Variants in TMCO4 observed in about 807,000 individuals in gnomAD.
TMCO4 encodes the protein transmembrane and coiled-coil domain-containing protein 4.
Under a neutral mutation model 64.7 loss-of-function variants are expected in TMCO4, and 58 were observed. The ratio of observed to expected loss-of-function variants is 0.90; its 90% CI spans 0.73 to 1.12. The LOEUF (loss-of-function observed/expected upper bound fraction) is 1.12, where lower values mean the gene tolerates loss of function less well. TMCO4 is among the 50% of genes most tolerant of loss of function. The pLI is 0.00. For synonymous variants in TMCO4, 325 were observed against 346.1 expected, an observed-to-expected ratio of 0.94 and a Z score of 0.68; for missense variants, 780 against 825.9, an observed-to-expected ratio of 0.94 and a Z score of 0.68.
In TMCO4 at chr1:19,755,335, A is replaced by G. The variant is rs2042198946; in HGVS notation, c.515+299T>C. On this transcript the variant is annotated intron_variant, in intron 7 of 15. Transcript: ENST00000294543. The stretch of plus-strand genomic sequence containing the variant: ...GAGATGGGGTTTTATCATGTTGGTC[A>G]GGCTGGTCTCGAACTCCTGACCTCA... 2.6e-5 allele frequency among the ~76,000 whole-genome samples: 4 copies of G among 152,352 alleles called. No homozygotes were observed. The South Asian group carries it at 8.3e-4, about 32-fold the overall frequency.
At chr1:19,787,219 G>A (rs1312948071) in intron 2 of TMCO4, 102 bp from the exon 3 acceptor site, 1 of 152,338 alleles carries the variant, frequency 6.6e-6, no homozygotes, top group Admixed American at 6.5e-5. Flanking sequence ...AAGCTCAGGG[G>A]AGCCTGGCAC....
intron 15 of TMCO4, among the ~76,000 whole-genome samples, chr1:19,685,927 C>T (rs1302618986): frequency 6.6e-6 from 1 of 152,032 alleles, no homozygotes; most frequent in Non-Finnish European, 1.5e-5. Context: ...CAGGGTTTCA[C>T]TGTGTTAGCC....
chr1:19,683,635 T>C (rs781149493), intron 15 of TMCO4, among the ~76,000 whole-genome samples, 191 bp from the exon 16 acceptor site: 2 of 152,182 alleles, frequency 1.3e-5, no homozygotes, highest in South Asian at 2.1e-4. Context: ...TTCAAAGCTG[T>C]TCTAGAATTT....
At chr1:19,683,559 A>G in intron 15 of TMCO4, 115 bp from the exon 16 acceptor site, 1 of 1,199,594 alleles carries the variant, frequency 8.3e-7, no homozygotes, top group Non-Finnish European at 1.2e-6. Flanking sequence ...CAGCCAACGA[A>G]TCACCAAACC....
At chr1:19,712,408 C>G (rs1362723859) in intron 13 of TMCO4, among the ~76,000 whole-genome samples, 4 of 151,996 alleles carry the variant, frequency 2.6e-5, no homozygotes, top group Admixed American at 6.6e-5. Flanking sequence ...ATCATGAGGT[C>G]AGGAGTTCGA....
At chr1:19,718,715 C>T (rs796879481) in intron 13 of TMCO4, among the ~76,000 whole-genome samples, 2 of 149,630 alleles carry the variant, frequency 1.3e-5, no homozygotes, top group African/African-American at 4.9e-5. Flanking sequence ...AATGCCCACA[C>T]CTTCCAAGGT....
chr1:19,787,912 T>C (rs1184639252), intron 2 of TMCO4, among the ~76,000 whole-genome samples: 2 of 152,114 alleles, frequency 1.3e-5, no homozygotes, highest in Admixed American at 1.3e-4. Context: ...CGCACCACCA[T>C]GCCTGGCTAA....
At chr1:19,770,406 C>T in intron 6 of TMCO4, 136 bp downstream of exon 6, 1 of 865,486 alleles carries the variant, frequency 1.2e-6, no homozygotes, top group South Asian at 1.3e-5. Flanking sequence ...TCACCAATGA[C>T]ATCAGGTTCC....
At chr1:19,779,119 G>A (rs978153537) in intron 4 of TMCO4, among the ~76,000 whole-genome samples, 2 of 152,158 alleles carry the variant, frequency 1.3e-5, no homozygotes, top group East Asian at 3.8e-4. Context: ...TACTCATGGG[G>A]GACCACTGAG....
chr1:19,754,876 T>C (rs2042173658), intron 7 of TMCO4, among the ~76,000 whole-genome samples: 1 of 152,160 alleles, frequency 6.6e-6, no homozygotes, highest in African/African-American at 2.4e-5. Context: ...AGACATTCAT[T>C]CTTCCTAATG....
intron 15 of TMCO4, among the ~76,000 whole-genome samples, chr1:19,684,122 A>C (rs1190744002): frequency 2.1e-5 from 3 of 141,856 alleles, no homozygotes; most frequent in Non-Finnish European, 4.6e-5. Context: ...TAGCATGAGA[A>C]AAAAGAAAAA....
At chr1:19,760,090 G>A (rs1430683355) in intron 6 of TMCO4, among the ~76,000 whole-genome samples, 7 of 152,032 alleles carry the variant, frequency 4.6e-5, no homozygotes, top group Admixed American at 3.3e-4. Context: ...GTGGATTAAT[G>A]GGTTAAGGCC....
intron 13 of TMCO4, among the ~76,000 whole-genome samples, chr1:19,706,654 A>G (rs2095304719): frequency 6.6e-6 from 1 of 152,194 alleles, no homozygotes; most frequent in Admixed American, 6.5e-5. Flanking sequence ...CTTTCATCCT[A>G]TTATAACTTT....
chr1:19,699,496 T>C (rs917767492), intron 14 of TMCO4, among the ~76,000 whole-genome samples: 1 of 147,852 alleles, frequency 6.8e-6, no homozygotes, highest in African/African-American at 2.5e-5. Context: ...CATATATATA[T>C]ATATATATAT....
intron 4 of TMCO4, among the ~76,000 whole-genome samples, chr1:19,778,325 G>A (rs2043305241): frequency 6.6e-6 from 1 of 151,740 alleles, no homozygotes; most frequent in Non-Finnish European, 1.5e-5. Context: ...CCAGGCTGGA[G>A]TGCAGTAGCA....
chr1:19,685,931 G>A (rs1397972529), intron 15 of TMCO4, among the ~76,000 whole-genome samples: 5 of 152,102 alleles, frequency 3.3e-5, no homozygotes, highest in African/African-American at 9.6e-5. Context: ...GTTTCACTGT[G>A]TTAGCCAGGA....
At chr1:19,707,182 C>A (rs1022970466) in intron 13 of TMCO4, among the ~76,000 whole-genome samples, 4 of 152,210 alleles carry the variant, frequency 2.6e-5, no homozygotes, top group African/African-American at 7.2e-5. Flanking sequence ...GGACGTTTGT[C>A]CCCTCCAGAT....
At chr1:19,745,504 C>G (rs1203128230) in intron 10 of TMCO4, 28 bp downstream of exon 10, 3 of 1,613,818 alleles carry the variant, frequency 1.9e-6, no homozygotes, top group Non-Finnish European at 2.5e-6. Flanking sequence ...GCCCACCCCC[C>G]TCCACTTCTG....
At chr1:19,793,646 A>T (rs990712360) in intron 2 of TMCO4, among the ~76,000 whole-genome samples, 12 of 152,196 alleles carry the variant, frequency 7.9e-5, no homozygotes, top group Non-Finnish European at 1.5e-5. Context: ...TTGGATAATC[A>T]CACTGCAGAC....
Sources: allele counts gnomAD v4.1 joint callset (sites outside exome capture counted in the v4.1 genomes callset), GRCh38; gene constraint gnomAD v4.1.1; transcripts MANE v1.5; gene names NCBI Gene and HGNC (gene_info 2026-07-23, HGNC 2026-07-21).